The following TRPM3 variants were observed in gnomAD, a reference collection of about 807,000 sequenced individuals.
TRPM3 encodes the protein long transient receptor potential channel 3.
Under a neutral mutation model 181.2 loss-of-function variants are expected in TRPM3, and 77 were observed. The ratio of observed to expected loss-of-function variants is 0.42; its 90% CI spans 0.35 to 0.51. The LOEUF (loss-of-function observed/expected upper bound fraction) is 0.51. TRPM3 is among the 20% of genes least tolerant of loss of function. The probability of loss-of-function intolerance (pLI) is 0.01; values close to 1 mark genes in which losing one functional copy is unlikely to be tolerated. For synonymous variants in TRPM3, 745 were observed against 796.4 expected (o/e 0.94, Z 1.09); for missense variants, 1,759 against 2,196.7 (o/e 0.80, Z 3.98).
intron 1 of TRPM3, among the ~76,000 whole-genome samples, chr9:71,366,287 C>A (rs1363110634): frequency 1.3e-5 from 2 of 152,094 alleles, no homozygotes; most frequent in Admixed American, 6.5e-5. Flanking sequence ...TGTTTCCTTG[C>A]AAGACAGAAT....
chr9:70,670,875 A>T lies in TRPM3; in HGVS notation c.1345+10631T>A, dbSNP rs79283547. On this transcript the variant is annotated intron_variant, in intron 9 of 25. Coordinates refer to ENST00000677713, the MANE Select transcript of TRPM3 (RefSeq NM_001366145.2). ...AGGTTTAATTGATTTCCCTTTTCACATGGAAGGGAATTGAGGCACACAGAG... is the reference window on the plus strand; with the variant it reads ...AGGTTTAATTGATTTCCCTTTTCACTTGGAAGGGAATTGAGGCACACAGAG... Among the ~76,000 whole-genome samples, 585 of 152,262 alleles carry T rather than the reference A, an allele frequency of 3.8e-3. 3 individuals are homozygous for T. The highest frequency in any genetic ancestry group is 0.014 in the African/African-American group (567 of 41,542).
intron 6 of TRPM3, among the ~76,000 whole-genome samples, chr9:70,805,534 GAAAAAAA>G (rs534322844): frequency 0.02 from 1,685 of 82,358 alleles, 10 homozygotes; most frequent in Non-Finnish European, 0.038. Context: ...ACTCCATCTC[GAAAAAAA>G]AAAAAAAAAA....
At chr9:71,345,311 T>C (rs2091226765) in intron 1 of TRPM3, among the ~76,000 whole-genome samples, 1 of 152,160 alleles carries the variant, frequency 6.6e-6, no homozygotes, top group Admixed American at 6.5e-5. Context: ...TGCAGCACTA[T>C]TCACAATAGC....
intron 1 of TRPM3, among the ~76,000 whole-genome samples, chr9:71,372,131 T>C (rs1205070542): frequency 6.6e-6 from 1 of 152,180 alleles, no homozygotes; most frequent in Non-Finnish European, 1.5e-5. Context: ...TCCAACTCCA[T>C]CCATGTCCCT....
At chr9:70,976,686 T>C (rs1248665390) in intron 1 of TRPM3, among the ~76,000 whole-genome samples, 1 of 152,238 alleles carries the variant, frequency 6.6e-6, no homozygotes, top group African/African-American at 2.4e-5. Flanking sequence ...CCCATTTCAG[T>C]AGCTGTGCAA....
chr9:71,401,344 G>C (rs1231221804), intron 1 of TRPM3, among the ~76,000 whole-genome samples: 1 of 152,174 alleles, frequency 6.6e-6, no homozygotes, highest in African/African-American at 2.4e-5. Flanking sequence ...GTAGTTAGAG[G>C]ACTCAGGCAA....
At chr9:70,925,049 G>C (rs574167626) in intron 1 of TRPM3, among the ~76,000 whole-genome samples, 1 of 152,184 alleles carries the variant, frequency 6.6e-6, no homozygotes, top group African/African-American at 2.4e-5. Flanking sequence ...GGATATGCAC[G>C]GACTCACTTG....
chr9:71,325,815 C>T (rs1183538621), intron 1 of TRPM3, among the ~76,000 whole-genome samples: 1 of 152,082 alleles, frequency 6.6e-6, no homozygotes, highest in Non-Finnish European at 1.5e-5. Context: ...TAAATGGGAA[C>T]ATTTAATTTT....
chr9:70,818,663 G>C (rs1042542291), intron 6 of TRPM3, among the ~76,000 whole-genome samples: 2 of 152,190 alleles, frequency 1.3e-5, no homozygotes, highest in Non-Finnish European at 2.9e-5. Context: ...AGTTAGTTCT[G>C]CCTGTTAAGC....
At chr9:70,891,659 T>G (rs578153073) in intron 1 of TRPM3, among the ~76,000 whole-genome samples, 8 of 152,186 alleles carry the variant, frequency 5.3e-5, no homozygotes, top group Non-Finnish European at 1.0e-4. Flanking sequence ...AGGTTTCAAA[T>G]GAATGAAATT....
At chr9:71,185,003 C>T (rs1237272993) in intron 1 of TRPM3, among the ~76,000 whole-genome samples, 1 of 152,036 alleles carries the variant, frequency 6.6e-6, no homozygotes, top group Non-Finnish European at 1.5e-5. Context: ...TGTAGGATGC[C>T]CAGCCTAAGA....
At chr9:70,680,030 A>T (rs763939743) in intron 9 of TRPM3, among the ~76,000 whole-genome samples, 1 of 152,194 alleles carries the variant, frequency 6.6e-6, no homozygotes, top group Non-Finnish European at 1.5e-5. Flanking sequence ...GACACATGAT[A>T]TGATTCATGG....
chr9:70,796,410 A>G (rs1362809968), intron 6 of TRPM3, among the ~76,000 whole-genome samples: 1 of 152,194 alleles, frequency 6.6e-6, no homozygotes, highest in Non-Finnish European at 1.5e-5. Context: ...TACCTACTGA[A>G]AGAGACAGCA....
At chr9:71,140,290 T>G (rs965424235) in intron 1 of TRPM3, among the ~76,000 whole-genome samples, 14 of 152,118 alleles carry the variant, frequency 9.2e-5, no homozygotes, top group Admixed American at 9.2e-4. Context: ...ACAAAAAAAG[T>G]TCACCTCCTC....
chr9:70,756,554 C>T (rs11999858), intron 8 of TRPM3, among the ~76,000 whole-genome samples: 8,414 of 152,150 alleles, frequency 0.055, 256 homozygotes, highest in South Asian at 0.11. Context: ...TTCTCAGCAC[C>T]GCATCACACT....
intron 6 of TRPM3, among the ~76,000 whole-genome samples, chr9:70,804,963 C>T (rs2090304030): frequency 6.6e-6 from 1 of 152,310 alleles, no homozygotes; most frequent in East Asian, 1.9e-4. Context: ...AGCTGCTGAA[C>T]TCTGCTGGCC....
chr9:70,580,267 AG>A (rs778468923), intron 22 of TRPM3, among the ~76,000 whole-genome samples: 39 of 152,320 alleles, frequency 2.6e-4, no homozygotes, highest in Non-Finnish European at 5.3e-4. Context: ...ATACTTAAAA[AG>A]GGGCTCCACA....
intron 1 of TRPM3, among the ~76,000 whole-genome samples, chr9:71,293,001 C>T (rs1424027839): frequency 1.3e-5 from 2 of 151,792 alleles, no homozygotes; most frequent in Non-Finnish European, 3.0e-5. Context: ...ACATCAGAAT[C>T]CAGAAATGTA....
intron 1 of TRPM3, among the ~76,000 whole-genome samples, chr9:70,972,503 A>G (rs1274454206): frequency 6.6e-6 from 1 of 152,148 alleles, no homozygotes; most frequent in Non-Finnish European, 1.5e-5. Context: ...GCTAATGGGT[A>G]AAGAGTTTCT....
Sources: allele counts gnomAD v4.1 joint callset (sites outside exome capture counted in the v4.1 genomes callset), GRCh38; gene constraint gnomAD v4.1.1; transcripts MANE v1.5; gene names NCBI Gene and HGNC (gene_info 2026-07-23, HGNC 2026-07-21).